The following TBC1D1 variants were observed in gnomAD, a reference collection of about 807,000 sequenced individuals.
TBC1D1 encodes TBC1 domain family member 1, also known as TBC1 (tre-2/USP6, BUB2, cdc16) domain family, member 1.
A neutral mutation model predicts 125.6 loss-of-function variants in TBC1D1; 89 were observed. The ratio of observed to expected loss-of-function variants is 0.71; its 90% CI spans 0.60 to 0.85. The LOEUF is 0.85. Ranked by LOEUF, TBC1D1 falls within the 40% of genes least tolerant of loss-of-function variation. The pLI is 0.00. For missense variants in TBC1D1, 1,377 were observed against 1,469.2 expected (o/e 0.94, Z 1.03); for synonymous variants, 565 against 564.1 (o/e 1.00, Z -0.02).
chr4:37,950,759 CTT>C (rs35602268), intron 2 of TBC1D1, among the ~76,000 whole-genome samples: 14 of 137,796 alleles, frequency 1.0e-4, no homozygotes, highest in Admixed American at 1.4e-4. Context: ...CATGTAGTCA[CTT>C]TTTTTTTTTT....
At chr4:38,102,255 TAAAAA>T (rs894387300) in intron 14 of TBC1D1, among the ~76,000 whole-genome samples, 2 of 149,362 alleles carry the variant, frequency 1.3e-5, no homozygotes, top group African/African-American at 2.6e-5. Flanking sequence ...ATAATAATAA[TAAAAA>T]GAAATGAGCC....
intron 17 of TBC1D1, among the ~76,000 whole-genome samples, chr4:38,119,532 TTAAC>T (rs887829755): frequency 5.5e-4 from 83 of 152,102 alleles, no homozygotes; most frequent in Non-Finnish European, 2.4e-4. Context: ...AAAAAAAAGA[TTAAC>T]TAAAAGCCTC....
At chr4:38,064,236 C>T (rs1207653428) in intron 12 of TBC1D1, among the ~76,000 whole-genome samples, 2 of 152,158 alleles carry the variant, frequency 1.3e-5, no homozygotes, top group African/African-American at 2.4e-5. Context: ...CTTTACCAGT[C>T]GAGAGGCATT....
At chr4:37,906,632 C>A (rs1308282522) in intron 2 of TBC1D1, among the ~76,000 whole-genome samples, 1 of 152,148 alleles carries the variant, frequency 6.6e-6, no homozygotes, top group East Asian at 1.9e-4. Flanking sequence ...GGGGTCTTTT[C>A]AAACTGATGT....
At chr4:38,009,474 C>T (rs1000267990) in intron 2 of TBC1D1, among the ~76,000 whole-genome samples, 21 of 152,164 alleles carry the variant, frequency 1.4e-4, no homozygotes, top group Non-Finnish European at 2.5e-4. Flanking sequence ...AATATTGTTT[C>T]AGGAGCTCTT....
intron 12 of TBC1D1, among the ~76,000 whole-genome samples, chr4:38,085,182 C>T (rs567631777): frequency 6.6e-6 from 1 of 152,262 alleles, no homozygotes; most frequent in Admixed American, 6.5e-5. Context: ...ATCGACATAC[C>T]AGCATAGATC....
chr4:38,049,883 C>T lies in TBC1D1; in HGVS notation c.1895C>T (p.Thr632Met), dbSNP rs200637650. The stretch of plus-strand genomic sequence containing the variant: ...AGGTATCACTCAGTGAGCACAGAGA[C>T]GCCTCATGAACGAAAGTAAGATTTG... Residue 632 changes from threonine (T) to methionine (M), a missense_variant, in exon 11 of 20, where the codon ACG becomes ATG. Around this residue, in one of 3 missense-constraint regions of TBC1D1, gnomAD observed 822 missense variants for 824.6 expected, o/e 1.00. Transcript: ENST00000261439. 22 of 1,608,998 alleles carry T rather than the reference C, an allele frequency of 1.4e-5. No homozygotes were observed. The highest frequency in any genetic ancestry group is 2.7e-5 in the African/African-American group (2 of 74,550).
rs1190909228 is a variant in TBC1D1, at chr4:38,115,875, A to G, written c.2723A>G (p.Glu908Gly). The G allele has an allele frequency of 6.2e-7, 1 of 1,614,232 alleles. No homozygotes were observed. The highest frequency in any genetic ancestry group is 8.5e-7 in the Non-Finnish European group (1 of 1,180,046). The change falls in exon 16 of 20, where the codon GAG becomes GGG. Residue 908 changes from glutamate to glycine, a missense_variant. Coordinates refer to ENST00000261439, the MANE Select transcript of TBC1D1 (RefSeq NM_015173.4). ...TTGCTTCTTCATATGAGTGAGGAAG[A>G]GGCGTTTAAAATGCTCAAGTTTCTG...
At chr4:38,110,318 G>T in intron 15 of TBC1D1, 1 of 980,074 alleles carries the variant, frequency 1.0e-6, no homozygotes, top group Non-Finnish European at 1.2e-6. Flanking sequence ...TTCTTGACCT[G>T]CTGCTTATTG....
chr4:38,118,793 C>T (rs914135215), intron 17 of TBC1D1, among the ~76,000 whole-genome samples: 2 of 152,252 alleles, frequency 1.3e-5, no homozygotes, highest in South Asian at 2.1e-4. Flanking sequence ...CTGCCACTCC[C>T]GTGCCCCCGC....
rs146364167 is a variant in TBC1D1, at chr4:38,103,141, G to A, written c.2541G>A (p.Ala847=). The change falls in exon 15 of 20, where the codon GCG becomes GCA. Residue 847 remains alanine (A), a synonymous_variant. Coordinates refer to ENST00000261439, the MANE Select transcript of TBC1D1 (RefSeq NM_015173.4). ...AGCAGCTGACTTCCCAGCAGCATGC[G>A]ATTCTTATTGACCTTGGTAAGTCTG... is the stretch of plus-strand genomic sequence containing the variant. 14 of 1,611,230 alleles carry A rather than the reference G, an allele frequency of 8.7e-6. No individual in the cohort carries two copies. The highest frequency in any genetic ancestry group is 4.5e-5 in the East Asian group (2 of 44,796).
At chr4:38,092,973 A>G (rs1201860137) in intron 13 of TBC1D1, among the ~76,000 whole-genome samples, 2 of 152,100 alleles carry the variant, frequency 1.3e-5, no homozygotes, top group African/African-American at 4.8e-5. Flanking sequence ...ACTTGGAGAA[A>G]ACCCACACAG....
Position 38,090,130 on chromosome 4 carries a change from T to C in TBC1D1, c.2236+13T>C. 6.2e-7 allele frequency: 1 copy of C among 1,613,846 alleles called. No homozygotes were observed. Among genetic ancestry groups the C allele is most frequent in the South Asian group, 1.1e-5 (1 of 91,034 alleles). On this transcript the variant is annotated intron_variant, in intron 13 of 19. Coordinates refer to ENST00000261439, the MANE Select transcript of TBC1D1 (RefSeq NM_015173.4). Reference sequence around the variant, plus strand: ...CAGAAGCTCCAAGGTTGGTTTGCCATCTTGATATTGAACAGGCCTGGTCTT... The same window carrying C: ...CAGAAGCTCCAAGGTTGGTTTGCCACCTTGATATTGAACAGGCCTGGTCTT...
intron 2 of TBC1D1, chr4:37,952,810 A>AAAT (rs1728166888): frequency 6.6e-6 from 1 of 152,280 alleles, no homozygotes; most frequent in African/African-American, 2.4e-5. Flanking sequence ...CAAAAGGGAA[A>AAAT]AATAAAATGT....
At position 37,977,355 on chromosome 4, in the gene TBC1D1, CCCGCCG is replaced by C. The variant is rs560011151; in HGVS notation, c.418-37135_418-37130del. On this transcript the variant is annotated intron_variant, in intron 2 of 19. Transcript: ENST00000261439. This position sits in a 1 kb window ranked among gnomAD's most constrained non-coding sequence, Gnocchi z 4.3. ...CGGGGCAGTGACGAACTGGGTGGAGCCCGCCGCCGCCGCCGCCGCCGCCGGGGAGAG... is the reference window on the plus strand; with the variant it reads ...CGGGGCAGTGACGAACTGGGTGGAGCCCGCCGCCGCCGCCGCCGGGGAGAG... The C allele has an allele frequency of 2.6e-4, 66 of 251,656 alleles. No individual in the cohort carries two copies. Among genetic ancestry groups the C allele is most frequent in the Middle Eastern group, 2.1e-3 (1 of 472 alleles). The allele number at this position is 251,656 out of a possible 1,614,324, so 15.6% of individuals were successfully genotyped here. A position where few individuals can be genotyped will look rare whatever the true frequency, so the allele number is the denominator to read the frequency against.
In TBC1D1 at chr4:38,014,857, C is replaced by T; in HGVS notation, c.766C>T (p.Arg256Ter). The T allele has an allele frequency of 6.2e-7, 1 of 1,611,762 alleles. No individual in the cohort carries two copies. The highest frequency in any genetic ancestry group is 8.5e-7 in the Non-Finnish European group (1 of 1,178,292). ...GAAGGAGCTGCAGGATGGGGGCCTCCGAAGCAGCGGCTTCTTCAGCTCCTT... is the reference window on the plus strand; with the variant it reads ...GAAGGAGCTGCAGGATGGGGGCCTCTGAAGCAGCGGCTTCTTCAGCTCCTT... The change falls in exon 3 of 20, where the codon CGA (arginine) becomes TGA (stop). Residue 256 changes from arginine to a stop codon, truncating the protein, a stop_gained. Transcript: ENST00000261439. LOFTEE classifies it high-confidence loss of function. The surrounding 1 kb of genome is among the most constrained non-coding windows in gnomAD (Gnocchi z 5.1).
intron 12 of TBC1D1, among the ~76,000 whole-genome samples, chr4:38,065,893 G>T (rs749041318): frequency 1.3e-5 from 2 of 151,948 alleles, no homozygotes; most frequent in African/African-American, 4.8e-5. Flanking sequence ...CAGGTGATCC[G>T]CCCACCTCGG....
chr4:38,102,997 A>G lies in TBC1D1; in HGVS notation c.2399-2A>G, dbSNP rs779386383. ...TTTCCATGTCTTCTCTCCCTTTTAAAGGTGTGCCACGTCATCACCGAGGTG... is the reference window on the plus strand; with the variant it reads ...TTTCCATGTCTTCTCTCCCTTTTAAGGGTGTGCCACGTCATCACCGAGGTG... On this transcript the variant is annotated splice_acceptor_variant, in intron 14 of 19. Transcript: ENST00000261439. LOFTEE classifies it high-confidence loss of function. The G allele has an allele frequency of 1.2e-6, 2 of 1,612,574 alleles. No homozygotes were observed. Among genetic ancestry groups the G allele is most frequent in the Admixed American group, 3.4e-5 (2 of 59,686 alleles).
intron 2 of TBC1D1, among the ~76,000 whole-genome samples, chr4:37,957,363 T>C (rs1255925308): frequency 1.3e-5 from 2 of 152,264 alleles, no homozygotes; most frequent in African/African-American, 4.8e-5. Context: ...CTCATGCCTG[T>C]AATCCTAACA....
Sources: gnomAD v4.1 joint callset for allele counts (sites outside exome capture counted in the v4.1 genomes callset) on GRCh38, gnomAD v4.1.1 for gene constraint, gnomAD v4.1.1 regional missense constraint, Gnocchi (gnomAD v3.1) non-coding constraint, MANE v1.5 for transcripts, NCBI Gene and HGNC (gene_info 2026-07-23, HGNC 2026-07-21) for gene names.